The following SRD5A2 variants were observed in gnomAD, a reference collection of about 807,000 sequenced individuals.
SRD5A2 encodes 3-oxo-5-alpha-steroid 4-dehydrogenase 2.
A neutral mutation model predicts 27.4 loss-of-function variants in SRD5A2; 30 were observed. The ratio of observed to expected loss-of-function variants is 1.10; its 90% CI spans 0.82 to 1.49. The LOEUF (loss-of-function observed/expected upper bound fraction) is 1.49, where lower values mean the gene tolerates loss of function less well. Ranked by LOEUF, SRD5A2 falls within the 40% of genes most tolerant of loss-of-function variation. SRD5A2 has a pLI of 0.00. For missense variants in SRD5A2, 348 were observed against 323.4 expected (o/e 1.08, Z -0.58); for synonymous variants, 141 against 133.6 (o/e 1.06, Z -0.38).
At chr2:31,590,828 G>A in the SRD5A2 span, among the ~76,000 whole-genome samples, 1 of 152,206 alleles carries the variant, frequency 6.6e-6, no homozygotes, top group Admixed American at 6.5e-5. Flanking sequence ...AGGAAATGGG[G>A]AAAGGATTCC....
upstream of SRD5A2, chr2:31,581,132 G>T (rs1373783374): frequency 3.6e-6 from 2 of 553,910 alleles, no homozygotes; most frequent in Non-Finnish European, 6.3e-6. Flanking sequence ...TTCTTAGTTC[G>T]CCCGCCCTCT....
rs780974431 is a variant in SRD5A2 at position 31,523,403 on chromosome 2, A to C, written c.*2793T>G. The C allele has an allele frequency of 9.3e-6, 2 of 215,752 alleles. No homozygotes were observed. Among genetic ancestry groups the C allele is most frequent in the Non-Finnish European group, 1.9e-5 (2 of 107,110 alleles). The allele number at this position is 215,752 out of a possible 1,614,324, so 13.4% of individuals were successfully genotyped here. A position where few individuals can be genotyped will look rare whatever the true frequency, so the allele number is the denominator to read the frequency against. On this transcript the variant is annotated 3_prime_UTR_variant, in exon 5 of 5. Transcript: ENST00000622030. ...CTAAAGGCTGTGCCTTAAGCAGAAG[A>C]AGCATACATCTGACCCTCAAAGGGA...
At chr2:31,545,617 CTCAAAGA>C (rs1044810158) in intron 1 of SRD5A2, among the ~76,000 whole-genome samples, 5 of 152,156 alleles carry the variant, frequency 3.3e-5, no homozygotes, top group South Asian at 2.1e-4. Flanking sequence ...AGCAAACGTA[CTCAAAGA>C]TGAAAGCTCT....
Position 31,529,305 on chromosome 2 carries a change from A to G in SRD5A2, c.698+2T>C. On this transcript the variant is annotated splice_donor_variant, in intron 4 of 4. Transcript: ENST00000622030. LOFTEE classifies it high-confidence loss of function. ...TGCTGCCGCTTTTATTGAAAAATTT[A>G]CCTATGGTGGTGAAAAGCTCGCAGC... 1 of 1,613,784 alleles carries G rather than the reference A, an allele frequency of 6.2e-7. No individual in the cohort carries two copies. Among genetic ancestry groups the G allele is most frequent in the South Asian group, 1.1e-5 (1 of 91,044 alleles).
At position 31,525,400 on chromosome 2, in the gene SRD5A2, C is replaced by T. The variant is rs575785628; in HGVS notation, c.*796G>A. On this transcript the variant is annotated 3_prime_UTR_variant, in exon 5 of 5. Transcript: ENST00000622030. Reference sequence around the variant, plus strand: ...TGTCTATTGTAAAACTGTTCTCTATCCTCTTAGTAGCCATCCAGGGTCATG... The same window carrying T: ...TGTCTATTGTAAAACTGTTCTCTATTCTCTTAGTAGCCATCCAGGGTCATG... 1 of 226,952 alleles carries T rather than the reference C, an allele frequency of 4.4e-6. No homozygotes were observed. Among genetic ancestry groups the T allele is most frequent in the South Asian group, 1.8e-4 (1 of 5,466 alleles). The allele number at this position is 226,952 out of a possible 1,614,324, so 14.1% of individuals were successfully genotyped here.
chr2:31,614,586 G>C, the SRD5A2 span, among the ~76,000 whole-genome samples: 1 of 152,200 alleles, frequency 6.6e-6, no homozygotes, highest in Admixed American at 6.5e-5. Flanking sequence ...AGCTCCACTA[G>C]GCAGTGCCCC....
Position 31,567,651 on chromosome 2 carries a change from A to C in SRD5A2, c.281+12969T>G, listed in dbSNP as rs142381335. ...TTTGTGTCACCATAGATTAGTTTAA[A>C]TTTCATAGAATTTTATATAAACATA... On this transcript the variant is annotated intron_variant, in intron 1 of 4. Coordinates refer to ENST00000622030, the MANE Select transcript of SRD5A2 (RefSeq NM_000348.4). Among the ~76,000 whole-genome samples the C allele has an allele frequency of 1.2e-4, 18 of 152,174 alleles. No individual in the cohort carries two copies. In the East Asian group the frequency reaches 3.5e-3, roughly 29 times the overall value.
chr2:31,623,538 T>G, the SRD5A2 span, among the ~76,000 whole-genome samples: 2 of 152,082 alleles, frequency 1.3e-5, no homozygotes, highest in African/African-American at 2.4e-5. Flanking sequence ...TTTTGAGTTT[T>G]TAGTGTTTTG....
At chr2:31,549,023 G>A (rs1666322979) in intron 1 of SRD5A2, among the ~76,000 whole-genome samples, 1 of 151,244 alleles carries the variant, frequency 6.6e-6, no homozygotes, top group South Asian at 2.1e-4. Context: ...GTTAAAAGTA[G>A]TCAAAAGCAT....
chr2:31,632,533 T>A, the SRD5A2 span, among the ~76,000 whole-genome samples: 1 of 152,148 alleles, frequency 6.6e-6, no homozygotes, highest in African/African-American at 2.4e-5. Flanking sequence ...TGCCAGCCCA[T>A]GCCATCACCC....
the SRD5A2 span, among the ~76,000 whole-genome samples, chr2:31,590,034 C>T: frequency 6.6e-6 from 1 of 152,208 alleles, no homozygotes; most frequent in Non-Finnish European, 1.5e-5. Context: ...GCAGTAGAGG[C>T]ACCCATAATC....
the SRD5A2 span, among the ~76,000 whole-genome samples, chr2:31,599,878 T>C: frequency 3.9e-5 from 6 of 151,926 alleles, no homozygotes; most frequent in African/African-American, 1.4e-4. Context: ...GCAGGTTTGT[T>C]ACGTAGGTAA....
the SRD5A2 span, among the ~76,000 whole-genome samples, chr2:31,632,975 GATT>G: frequency 2.6e-5 from 4 of 152,124 alleles, no homozygotes; most frequent in Non-Finnish European, 5.9e-5. Flanking sequence ...GCCATCAGGA[GATT>G]ATTATTGGCT....
At chr2:31,650,934 G>A in the SRD5A2 span, among the ~76,000 whole-genome samples, 4 of 152,220 alleles carry the variant, frequency 2.6e-5, no homozygotes, top group African/African-American at 7.2e-5. Context: ...CATGAGGGGC[G>A]ACCAACATAA....
chr2:31,594,135 A>G, the SRD5A2 span, among the ~76,000 whole-genome samples: 1 of 152,210 alleles, frequency 6.6e-6, no homozygotes, highest in African/African-American at 2.4e-5. Flanking sequence ...ATCATGACAC[A>G]ATGAAAAATA....
intron 1 of SRD5A2, among the ~76,000 whole-genome samples, chr2:31,548,457 T>C (rs1666310037): frequency 6.6e-6 from 1 of 152,130 alleles, no homozygotes; most frequent in Non-Finnish European, 1.5e-5. Context: ...GCTATGCAAA[T>C]GGCCCATAAG....
the SRD5A2 span, among the ~76,000 whole-genome samples, chr2:31,657,964 CA>C: frequency 6.6e-6 from 1 of 151,884 alleles, no homozygotes; most frequent in Non-Finnish European, 1.5e-5. Context: ...ACAGTAAATA[CA>C]AAAAAATACC....
At chr2:31,659,462 C>G in the SRD5A2 span, among the ~76,000 whole-genome samples, 1 of 152,126 alleles carries the variant, frequency 6.6e-6, no homozygotes, top group Non-Finnish European at 1.5e-5. Flanking sequence ...GCTTCTTGAT[C>G]TAATAAACAA....
chr2:31,614,045 C>T, the SRD5A2 span, among the ~76,000 whole-genome samples: 7 of 152,160 alleles, frequency 4.6e-5, no homozygotes, highest in African/African-American at 9.7e-5. Flanking sequence ...CAACTGTCCC[C>T]TCTCAAATCT....
Sources: allele counts gnomAD v4.1 joint callset (sites outside exome capture counted in the v4.1 genomes callset), GRCh38; gene constraint gnomAD v4.1.1; transcripts MANE v1.5; gene names NCBI Gene and HGNC (gene_info 2026-07-23, HGNC 2026-07-21).